Variants in WDR74 observed in about 807,000 individuals in gnomAD.
The protein encoded by WDR74 is WD repeat-containing protein 74.
WDR74 carries 31 observed loss-of-function variants against 45.6 expected under a neutral mutation model. The observed-to-expected ratio is 0.68, with a 90% CI of 0.51 to 0.92. WDR74 has a LOEUF of 0.92. WDR74 is among the 40% of genes least tolerant of loss of function. The probability of loss-of-function intolerance (pLI) is 0.00; values close to 1 mark genes in which losing one functional copy is unlikely to be tolerated. For synonymous variants in WDR74, 191 were observed against 192.4 expected, an observed-to-expected ratio of 0.99 and a Z score of 0.06; for missense variants, 455 against 497.2, an observed-to-expected ratio of 0.92 and a Z score of 0.81.
At chr11:62,839,485 G>A (rs1406217315) in intron 1 of WDR74, 22 bp downstream of exon 1, 1 of 1,613,562 alleles carries the variant, frequency 6.2e-7, no homozygotes, top group Admixed American at 1.7e-5. Context: ...TGCACTTCCC[G>A]ACGCCCGAGC....
chr11:62,837,516 A>AAC (rs1339225695), intron 3 of WDR74, among the ~76,000 whole-genome samples: 2 of 119,846 alleles, frequency 1.7e-5, no homozygotes, highest in African/African-American at 6.4e-5. Context: ...AACAAAAAAC[A>AAC]AAAAAAAAAA....
At chr11:62,839,642 T>C (rs2085018997), upstream of WDR74, 7 of 1,524,716 alleles carry the variant, frequency 4.6e-6, no homozygotes, top group Admixed American at 2.0e-5. Context: ...TCGAGTCCGA[T>C]GCAGCGCAGT....
chr11:62,834,513 A>C lies in WDR74; in HGVS notation c.633T>G (p.Asp211Glu). 1 of 1,607,794 alleles carries C rather than the reference A, an allele frequency of 6.2e-7. No individual in the cohort carries two copies. The highest frequency in any genetic ancestry group is 8.5e-7 in the Non-Finnish European group (1 of 1,179,166). ...CTGYHQVRVY[D>E]PASPQRRPVL... The stretch of plus-strand genomic sequence containing the variant: ...CTGGCCGGCGCTGGGGGGATGCTGG[A>C]TCATAAACACGGACCTAGAGGAAGG... Residue 211 changes from aspartate to glutamate, a missense_variant, in exon 7 of 11, where the codon GAT (aspartate) becomes GAG (glutamate). By Grantham distance (45) the Asp-to-Glu change is conservative. Transcript: ENST00000278856.
At chr11:62,841,578 T>TA (rs1021884642), upstream of WDR74, 2 of 152,148 alleles carry the variant, frequency 1.3e-5, no homozygotes, top group Admixed American at 1.3e-4. Context: ...CCCTAACTGA[T>TA]CGAAATCTTC....
At chr11:62,841,650 T>G (rs372870334), upstream of WDR74, 2 of 152,336 alleles carry the variant, frequency 1.3e-5, no homozygotes, top group Admixed American at 6.5e-5. Context: ...AGTACTGCAA[T>G]ACCAGGTCGA....
chr11:62,837,432 A>C (rs891205010), intron 3 of WDR74, among the ~76,000 whole-genome samples: 2 of 147,370 alleles, frequency 1.4e-5, no homozygotes, highest in Non-Finnish European at 3.0e-5. Flanking sequence ...GGGAGGCAGA[A>C]GTTGCAGTGA....
chr11:62,837,801 A>C (rs1043553717), intron 3 of WDR74, among the ~76,000 whole-genome samples: 3 of 152,202 alleles, frequency 2.0e-5, no homozygotes, highest in African/African-American at 4.8e-5. Context: ...TTTGGAAGAA[A>C]GCAAGGCCAG....
intron 8 of WDR74, 125 bp downstream of exon 8, chr11:62,834,151 G>A (rs2084922539): frequency 6.6e-7 from 1 of 1,506,406 alleles, no homozygotes; most frequent in Non-Finnish European, 9.2e-7. Context: ...AGGGAAACCA[G>A]GATTTAAACC....
chr11:62,841,510 T>G (rs549364578), upstream of WDR74: 3 of 152,044 alleles, frequency 2.0e-5, no homozygotes, highest in Admixed American at 6.6e-5. Flanking sequence ...TTCAACACAC[T>G]AGCGATAAAA....
chr11:62,834,228 C>A (rs1257991209), intron 8 of WDR74, 48 bp downstream of exon 8: 1 of 1,612,816 alleles, frequency 6.2e-7, no homozygotes. Context: ...GAATCCTGAC[C>A]CTTCTCCCTG....
At chr11:62,834,081 C>T in intron 8 of WDR74, 144 bp from the exon 9 acceptor site, 2 of 1,425,860 alleles carry the variant, frequency 1.4e-6, no homozygotes, top group Non-Finnish European at 1.9e-6. Flanking sequence ...TTCCATTTCG[C>T]AGGTGAGGAA....
In WDR74 at chr11:62,832,995, G is replaced by C; in HGVS notation, c.1115C>G (p.Thr372Arg). 6.2e-7 allele frequency: 1 copy of C among 1,610,348 alleles called. No homozygotes were observed. Among genetic ancestry groups the C allele is most frequent in the South Asian group, 1.1e-5 (1 of 90,486 alleles). ...AGGCCGCTTCTTCTTTCTCCGTCTC[G>C]TTTGGAGAGCTCCTTGGGGCTGCTC... Reference protein sequence around the residue: ...GLEQPQGALQTRRRKKKRPGS... With the variant: ...GLEQPQGALQRRRRKKKRPGS... Residue 372 changes from threonine (T) to arginine (R), a missense_variant, in exon 11 of 11, where the codon ACG becomes AGG. Coordinates refer to ENST00000278856, the MANE Select transcript of WDR74 (RefSeq NM_001369450.1).
At chr11:62,836,903 T>C (rs187255996) in intron 3 of WDR74, among the ~76,000 whole-genome samples, 1 of 151,978 alleles carries the variant, frequency 6.6e-6, no homozygotes, top group Admixed American at 6.6e-5. Flanking sequence ...AGTGAAATCT[T>C]GTCTCTACTA....
intron 9 of WDR74, 51 bp from the exon 10 acceptor site, chr11:62,833,725 T>G: frequency 1.3e-6 from 2 of 1,590,390 alleles, no homozygotes; most frequent in Non-Finnish European, 1.7e-6. Flanking sequence ...GACAGAAACA[T>G]GAACGGAGGG....
chr11:62,834,136 CT>C, intron 8 of WDR74, 139 bp downstream of exon 8: 1 of 1,474,052 alleles, frequency 6.8e-7, no homozygotes, highest in Non-Finnish European at 9.4e-7. Flanking sequence ...GGTCATACAG[CT>C]TTTAGGGAAA....
upstream of WDR74, chr11:62,841,698 CTATTTCCAAAAATCCATTTAATA>C (rs2085063884): frequency 6.6e-6 from 1 of 152,192 alleles, no homozygotes; most frequent in African/African-American, 2.4e-5. Flanking sequence ...ATTCCATCTC[CTATTTCCAAAAATCCATTTAATA>C]TATTGTCCTC....
chr11:62,833,078 C>G lies in WDR74; in HGVS notation c.1032G>C (p.Glu344Asp), dbSNP rs775070364. 6.2e-7 allele frequency: 1 copy of G among 1,612,464 alleles called. No individual in the cohort carries two copies. Among genetic ancestry groups the G allele is most frequent in the Non-Finnish European group, 8.5e-7 (1 of 1,179,340 alleles). ...EPNKVPLEDT[E>D]TDELWASLEA... ...CCAAGGATGCCCAAAGTTCATCTGT[C>G]TCTGTGTCTTCTAGGGGCACCTTGT... The change falls in exon 11 of 11, where the codon GAG (glutamate) becomes GAC (aspartate). Residue 344 changes from glutamate to aspartate, a missense_variant. Physicochemically the swap from Glu to Asp is conservative, Grantham distance 45. Transcript: ENST00000278856.
intron 6 of WDR74, chr11:62,834,802 G>A (rs984490627): frequency 4.5e-6 from 2 of 448,456 alleles, no homozygotes. Context: ...GAAATGGAGG[G>A]ACAGAAAAGC....
In WDR74 at chr11:62,833,044, C is replaced by T. The variant is rs1158148214; in HGVS notation, c.1066G>A (p.Ala356Thr). 2 of 1,610,716 alleles carry T rather than the reference C, an allele frequency of 1.2e-6. No individual in the cohort carries two copies. Among genetic ancestry groups the T allele is most frequent in the Non-Finnish European group, 1.7e-6 (2 of 1,178,616 alleles). Residue 356 changes from alanine to threonine, a missense_variant, in exon 11 of 11, where the codon GCC becomes ACC. Transcript: ENST00000278856. ...DELWASLEAAAKRKLSGLEQP... is the reference protein window; with the variant it reads ...DELWASLEAATKRKLSGLEQP... ...TCCAAACCCGAGAGCTTCCGCTTGG[C>T]AGCTGCCTCCAAGGATGCCCAAAGT...
Sources: gnomAD v4.1 joint callset for allele counts (sites outside exome capture counted in the v4.1 genomes callset) on GRCh38, gnomAD v4.1.1 for gene constraint, MANE v1.5 for transcripts, NCBI Gene and HGNC (gene_info 2026-07-23, HGNC 2026-07-21) for gene names.